Variants in PBX4 observed in about 807,000 individuals in gnomAD.
The protein encoded by PBX4 is pre-B-cell leukemia transcription factor 4.
A neutral mutation model predicts 35.1 loss-of-function variants in PBX4; 26 were observed. The observed-to-expected ratio is 0.74, with a 90% CI of 0.54 to 1.03. The LOEUF is 1.03. PBX4 is among the 50% of genes least tolerant of loss of function. PBX4 has a pLI of 0.00. For missense variants in PBX4, 448 were observed against 504.3 expected (o/e 0.89, Z 1.07); for synonymous variants, 199 against 204.2 (o/e 0.97, Z 0.22).
chr19:19,565,506 C>A (rs1470624885), intron 5 of PBX4, among the ~76,000 whole-genome samples: 1 of 152,170 alleles, frequency 6.6e-6, no homozygotes, highest in East Asian at 1.9e-4. Flanking sequence ...TAACTGCGAT[C>A]GAATCCCAAA....
chr19:19,597,023 C>A (rs2061565647), intron 2 of PBX4, among the ~76,000 whole-genome samples: 2 of 151,694 alleles, frequency 1.3e-5, no homozygotes, highest in South Asian at 4.2e-4. Flanking sequence ...ACCAGCCTGG[C>A]CAACATGGTG....
In PBX4 at chr19:19,618,662, G is replaced by T; in HGVS notation, c.-33C>A. On this transcript the variant is annotated 5_prime_UTR_variant, in exon 1 of 8. Transcript: ENST00000251203. ...AGGGCCGGGCGGGCGCTGTGAGGGTGCCGTCGAGCCTGGAGCACTACCACT... is the reference window on the plus strand; with the variant it reads ...AGGGCCGGGCGGGCGCTGTGAGGGTTCCGTCGAGCCTGGAGCACTACCACT... The T allele has an allele frequency of 8.4e-7, 1 of 1,195,760 alleles. No homozygotes were observed. The highest frequency in any genetic ancestry group is 1.0e-6 in the Non-Finnish European group (1 of 964,938). 74.1% of individuals were successfully genotyped at this position (1,195,760 alleles called of 1,614,324 possible).
At chr19:19,580,177 A>G (rs373882388) in intron 2 of PBX4, among the ~76,000 whole-genome samples, 11 of 152,314 alleles carry the variant, frequency 7.2e-5, no homozygotes, top group African/African-American at 2.4e-4. Context: ...CCTCGGGCCC[A>G]CCCACCGTGT....
At chr19:19,578,455 G>A (rs1173639946) in intron 2 of PBX4, among the ~76,000 whole-genome samples, 1 of 152,170 alleles carries the variant, frequency 6.6e-6, no homozygotes, top group Non-Finnish European at 1.5e-5. Context: ...CAGTTCCGGT[G>A]ACTGTTCCAG....
At chr19:19,601,492 T>C (rs979533965) in intron 1 of PBX4, among the ~76,000 whole-genome samples, 3 of 152,306 alleles carry the variant, frequency 2.0e-5, no homozygotes, top group African/African-American at 7.2e-5. Context: ...AGGGTCCACA[T>C]GCTTATCCTC....
intron 3 of PBX4, 30 bp downstream of exon 3, chr19:19,570,556 G>T: frequency 6.2e-7 from 1 of 1,607,256 alleles, no homozygotes; most frequent in South Asian, 1.1e-5. Context: ...GCATTCACAT[G>T]ACAGAAACTC....
At chr19:19,571,831 G>C (rs1296473395) in intron 2 of PBX4, among the ~76,000 whole-genome samples, 2 of 151,854 alleles carry the variant, frequency 1.3e-5, no homozygotes, top group East Asian at 2.0e-4. Context: ...TCAGGAGTTC[G>C]AGATCAGCCT....
Position 19,563,604 on chromosome 19 carries a change from G to A in PBX4, c.937C>T (p.Pro313Ser), listed in dbSNP as rs1370532538. ...LSTPSSGSSG[P>S]FPLPSAGDAF... ...TCCCCAGCGCTGGGCAGCGGGAAGG[G>A]TCCAGAGGAGCCTGGAAGAGATGGG... Residue 313 changes from proline (P) to serine (S), a missense_variant, in exon 7 of 8, where the codon CCC becomes TCC. By Grantham distance (74) the Pro-to-Ser change is moderately conservative. Transcript: ENST00000251203. This position sits in a 1 kb window ranked among gnomAD's most constrained non-coding sequence, Gnocchi z 5.1. 1.9e-6 allele frequency: 3 copies of A among 1,549,470 alleles called. No individual in the cohort carries two copies. Among genetic ancestry groups the A allele is most frequent in the Admixed American group, 3.9e-5 (2 of 50,964 alleles).
rs2061320158 is a variant in PBX4 at position 19,563,362 on chromosome 19, G to T, written c.1032+147C>A. ...ACAGAGTGGGGCCCTGCAGAGCTGT[G>T]CCCCAGAGGTGGCCGCGCAGCATGG... On this transcript the variant is annotated intron_variant, in intron 7 of 7. Coordinates refer to ENST00000251203, the MANE Select transcript of PBX4 (RefSeq NM_025245.3). The surrounding 1 kb of genome is among the most constrained non-coding windows in gnomAD (Gnocchi z 5.1). 3 of 609,358 alleles carry T rather than the reference G, an allele frequency of 4.9e-6. No homozygotes were observed. The East Asian group carries it at 8.8e-5, about 18-fold the overall frequency. The allele number at this position is 609,358 out of a possible 1,614,324, so 37.7% of individuals were successfully genotyped here. A position where few individuals can be genotyped will look rare whatever the true frequency, so the allele number is the denominator to read the frequency against.
intron 2 of PBX4, chr19:19,588,094 T>A (rs1350861269): frequency 6.1e-5 from 55 of 906,274 alleles, no homozygotes; most frequent in Non-Finnish European, 1.8e-5. Context: ...ACCAATCACC[T>A]CTTCTTGAAG....
intron 1 of PBX4, among the ~76,000 whole-genome samples, chr19:19,602,033 T>C (rs1367762827): frequency 6.6e-6 from 1 of 151,866 alleles, no homozygotes; most frequent in Non-Finnish European, 1.5e-5. Context: ...AGAGACAGGG[T>C]CTCGTTATGT....
intron 1 of PBX4, 101 bp from the exon 2 acceptor site, chr19:19,599,466 T>C (rs1599373350): frequency 2.4e-5 from 22 of 933,144 alleles, no homozygotes; most frequent in Non-Finnish European, 1.7e-6. Flanking sequence ...CCAAACGAGA[T>C]CTGCCACTCT....
chr19:19,616,939 C>T (rs1599387571), intron 1 of PBX4, among the ~76,000 whole-genome samples: 2 of 152,270 alleles, frequency 1.3e-5, no homozygotes, highest in East Asian at 3.9e-4. Flanking sequence ...GCCTTGGCCT[C>T]CCAAAGTGCT....
rs1485083799 is a variant in PBX4 at position 19,569,506 on chromosome 19, G to A, written c.711C>T (p.Tyr237=). The A allele has an allele frequency of 1.2e-6, 2 of 1,613,760 alleles. No individual in the cohort carries two copies. The highest frequency in any genetic ancestry group is 2.2e-5 in the South Asian group (2 of 91,032). Residue 237 remains tyrosine, a synonymous_variant, in exon 5 of 8, where the codon TAC becomes TAT. Coordinates refer to ENST00000251203, the MANE Select transcript of PBX4 (RefSeq NM_025245.3). ...EYFYSHLNNP[Y]PSEEAKEELA... ...GCTCTTCTTTGGCTTCTTCGCTGGG[G>A]TAAGGGTTGTTCAGATGGGAGTAAA...
chr19:19,612,528 T>G (rs1007693543), intron 1 of PBX4, among the ~76,000 whole-genome samples: 8 of 152,146 alleles, frequency 5.3e-5, no homozygotes, highest in African/African-American at 1.9e-4. Context: ...AGAGACAATC[T>G]GCTTCCCAGC....
At chr19:19,572,022 C>A (rs2061386771) in intron 2 of PBX4, among the ~76,000 whole-genome samples, 2 of 122,692 alleles carry the variant, frequency 1.6e-5, no homozygotes, top group African/African-American at 3.2e-5. Context: ...GATAGAGAGA[C>A]CCCGTCTCAA....
intron 2 of PBX4, among the ~76,000 whole-genome samples, chr19:19,573,414 A>C (rs1200980317): frequency 6.6e-6 from 1 of 151,646 alleles, no homozygotes; most frequent in South Asian, 2.1e-4. Context: ...TTTCTTACTC[A>C]ATTAAAATTG....
chr19:19,565,896 C>G (rs2061338715), intron 5 of PBX4, among the ~76,000 whole-genome samples: 1 of 151,940 alleles, frequency 6.6e-6, no homozygotes, highest in South Asian at 2.1e-4. Context: ...GCCTGGGCAA[C>G]AGAGTGAGAC....
intron 2 of PBX4, among the ~76,000 whole-genome samples, chr19:19,571,273 A>G (rs1475848948): frequency 6.6e-6 from 1 of 152,084 alleles, no homozygotes; most frequent in Admixed American, 6.6e-5. Context: ...TGGGCCCAGG[A>G]CTGTGCAGCT....
Sources: gnomAD v4.1 joint callset for allele counts (sites outside exome capture counted in the v4.1 genomes callset) on GRCh38, gnomAD v4.1.1 for gene constraint, Gnocchi (gnomAD v3.1) non-coding constraint, MANE v1.5 for transcripts, NCBI Gene and HGNC (gene_info 2026-07-23, HGNC 2026-07-21) for gene names.